PLA2G4B: variants seen among roughly 807,000 people sequenced by gnomAD.
PLA2G4B encodes phospholipase A2 group IVB.
Under a neutral mutation model 95.8 loss-of-function variants are expected in PLA2G4B, and 122 were observed. The ratio of observed to expected loss-of-function variants is 1.27; its 90% CI spans 1.10 to 1.48. The LOEUF (loss-of-function observed/expected upper bound fraction) is 1.48, where lower values mean the gene tolerates loss of function less well. Ranked by LOEUF, PLA2G4B falls within the 40% of genes most tolerant of loss-of-function variation. PLA2G4B has a pLI of 0.00. For missense variants in PLA2G4B, 1,158 were observed against 996.2 expected (o/e 1.16, Z -2.19); for synonymous variants, 518 against 421.5 (o/e 1.23, Z -2.80).
Position 41,838,974 on chromosome 15 carries a change from G to A in PLA2G4B, c.9+52G>A, listed in dbSNP as rs2065375717. ...CTACTGGGACCCCTGGTCTCTACCT[G>A]GGGCCTAGTTAATATGTTTCTTATG... On this transcript the variant is annotated intron_variant, in intron 1 of 19. Coordinates refer to ENST00000458483, the MANE Select transcript of PLA2G4B (RefSeq NM_001114633.2). The A allele has an allele frequency of 2.1e-6, 3 of 1,463,132 alleles. No individual in the cohort carries two copies. In the South Asian group the frequency reaches 3.7e-5, roughly 18 times the overall value. 90.6% of individuals were successfully genotyped at this position (1,463,132 alleles called of 1,614,324 possible). A position where few individuals can be genotyped will look rare whatever the true frequency, so the allele number is the denominator to read the frequency against.
chr15:41,842,526 T>G, intron 9 of PLA2G4B, 28 bp from the exon 10 acceptor site: 1 of 1,611,878 alleles, frequency 6.2e-7, no homozygotes, highest in Non-Finnish European at 8.5e-7. Flanking sequence ...GGCCGACCTT[T>G]TGTGACTGGG....
intron 10 of PLA2G4B, 188 bp downstream of exon 10, chr15:41,842,779 A>G (rs1234862816): frequency 6.8e-6 from 6 of 884,168 alleles, no homozygotes; most frequent in Non-Finnish European, 9.7e-6. Flanking sequence ...CTTAGCACCT[A>G]TGGTCAGAGG....
chr15:41,845,218 CT>C lies in PLA2G4B; in HGVS notation c.1256del (p.Leu419ProfsTer8). On this transcript the variant is annotated frameshift_variant, in exon 14 of 20. Transcript: ENST00000458483. LOFTEE classifies it high-confidence loss of function. Reference sequence around the variant, plus strand: ...CTTTCCCCAGCCCCATGATCACAAGCTCTCAGATCAACGGGAGGCCCTGAGT... The same window carrying C: ...CTTTCCCCAGCCCCATGATCACAAGCCTCAGATCAACGGGAGGCCCTGAGT... ...LLHDEPHDHK[L>X]SDQREALSHG... 2 of 1,614,198 alleles carry C rather than the reference CT, an allele frequency of 1.2e-6. No individual in the cohort carries two copies. The highest frequency in any genetic ancestry group is 8.5e-7 in the Non-Finnish European group (1 of 1,180,004).
chr15:41,842,030 T>C, intron 8 of PLA2G4B, 81 bp downstream of exon 8: 3 of 1,563,202 alleles, frequency 1.9e-6, no homozygotes, highest in Non-Finnish European at 2.6e-6. Context: ...TGACCTCTGC[T>C]CCACCTGGCA....
chr15:41,843,892 C>T (rs1410446573), intron 11 of PLA2G4B, 81 bp downstream of exon 11: 2 of 1,553,876 alleles, frequency 1.3e-6, no homozygotes, highest in African/African-American at 2.7e-5. Flanking sequence ...GCTGCTTGTC[C>T]CCGATCTAGA....
Position 41,846,288 on chromosome 15 carries a change from G to GTGGC in PLA2G4B, c.1687_1690dup (p.Arg564LeufsTer10). ...CTGAGTTTTTCACCGATCTTCTGAC[G>GTGGC]TGGCGTCCACTGGCCCAGGCCACAC... On this transcript the variant is annotated frameshift_variant, in exon 17 of 20. Coordinates refer to ENST00000458483, the MANE Select transcript of PLA2G4B (RefSeq NM_001114633.2). LOFTEE classifies it high-confidence loss of function. 3.7e-6 allele frequency: 6 copies of GTGGC among 1,614,052 alleles called. No individual in the cohort carries two copies. The highest frequency in any genetic ancestry group is 5.1e-6 in the Non-Finnish European group (6 of 1,179,934).
At chr15:41,842,447 T>C (rs1012104382) in intron 9 of PLA2G4B, 107 bp from the exon 10 acceptor site, 8 of 1,551,690 alleles carry the variant, frequency 5.2e-6, no homozygotes, top group African/African-American at 2.7e-5. Flanking sequence ...CTGGCGCCTG[T>C]GGAGACGGTG....
Position 41,847,637 on chromosome 15 carries a change from C to T in PLA2G4B, c.2135-12C>T. On this transcript the variant is annotated splice_polypyrimidine_tract_variant and intron_variant, in intron 19 of 19. Transcript: ENST00000458483. ...AACGTGTTCCCCATGCCAGGCTGCA[C>T]TCTCTCCACAGGGGTCCGGCGGACA... 1 of 1,613,606 alleles carries T rather than the reference C, an allele frequency of 6.2e-7. No individual in the cohort carries two copies.
In PLA2G4B at chr15:41,843,770, A is replaced by C. The variant is rs1280041165; in HGVS notation, c.838A>C (p.Arg280=). Residue 280 remains arginine (R), a synonymous_variant, in exon 11 of 20, where the codon AGG becomes CGG. Transcript: ENST00000458483. ...GAAGCAGGTGGTGGCCGCGGCCTTG[A>C]GGCAGGCCCTGCAGCTGGACGGAGA... is the stretch of plus-strand genomic sequence containing the variant. ...RRKQVVAAAL[R]QALQLDGDLQ... 1 of 1,613,714 alleles carries C rather than the reference A, an allele frequency of 6.2e-7. No individual in the cohort carries two copies. The highest frequency in any genetic ancestry group is 8.5e-7 in the Non-Finnish European group (1 of 1,179,794).
chr15:41,844,322 C>T, intron 11 of PLA2G4B, 149 bp from the exon 12 acceptor site: 6 of 1,365,928 alleles, frequency 4.4e-6, no homozygotes, highest in South Asian at 1.4e-5. Flanking sequence ...TGTTTCTGGC[C>T]CCCAGGGCTG....
Position 41,840,531 on chromosome 15 carries a change from C to T in PLA2G4B, c.90C>T (p.Pro30=). The T allele has an allele frequency of 6.2e-7, 1 of 1,613,824 alleles. No homozygotes were observed. Among genetic ancestry groups the T allele is most frequent in the Non-Finnish European group, 8.5e-7 (1 of 1,180,024 alleles). The part of the protein sequence containing the change: ...HRLPSKDLVT[P]SDCYVTLWLP... ...ACTTGTTCCTTCCCGCAGTGACCCC[C>T]TCTGACTGCTACGTGACTCTCTGGC... Residue 30 remains proline, a synonymous_variant, in exon 3 of 20, where the codon CCC becomes CCT. Transcript: ENST00000458483.
chr15:41,844,780 G>C, intron 12 of PLA2G4B, 68 bp from the exon 13 acceptor site: 1 of 1,538,120 alleles, frequency 6.5e-7, no homozygotes. Context: ...TAGAAAGCCC[G>C]GGGCACGTGG....
At chr15:41,846,869 G>C (rs1595426601) in intron 18 of PLA2G4B, 34 bp downstream of exon 18, 1 of 1,584,106 alleles carries the variant, frequency 6.3e-7, no homozygotes, top group African/African-American at 1.3e-5. Flanking sequence ...CAGGGAGGCG[G>C]TGGGTGGCCC....
rs1384576382 is a variant in PLA2G4B at position 41,844,901 on chromosome 15, G to A, written c.1070G>A (p.Gly357Glu). 4 of 1,611,714 alleles carry A rather than the reference G, an allele frequency of 2.5e-6. No individual in the cohort carries two copies. Among genetic ancestry groups the A allele is most frequent in the Non-Finnish European group, 3.4e-6 (4 of 1,179,210 alleles). Residue 357 changes from glycine to glutamate, a missense_variant, in exon 13 of 20, where the codon GGG becomes GAG. By Grantham distance (98) the Gly-to-Glu change is moderately conservative (BLOSUM62 -2). Coordinates refer to ENST00000458483, the MANE Select transcript of PLA2G4B (RefSeq NM_001114633.2). ...GAGTGGTCTCAGAAGGACCTGGCAG[G>A]GCCCACTGAGTTGCTGAAGACCCAG... ...DPEWSQKDLA[G>E]PTELLKTQVT...
rs776045809 is a variant in PLA2G4B, at chr15:41,842,551, C to T, written c.706-3C>T. On this transcript the variant is annotated splice_polypyrimidine_tract_variant and splice_region_variant and intron_variant, in intron 9 of 19. Transcript: ENST00000458483. Reference sequence around the variant, plus strand: ...TTGTGACTGGGGCCTTCACGGTTTTCAGGAGCCCCTGATGAGAGTGGAGCT... The same window carrying T: ...TTGTGACTGGGGCCTTCACGGTTTTTAGGAGCCCCTGATGAGAGTGGAGCT... The T allele has an allele frequency of 5.6e-6, 9 of 1,611,488 alleles. No individual in the cohort carries two copies. In the South Asian group the frequency reaches 6.6e-5, roughly 12 times the overall value.
chr15:41,840,217 C>T lies in PLA2G4B; in HGVS notation c.69C>T (p.Pro23=). The change falls in exon 2 of 20, where the codon CCC becomes CCT. Residue 23 remains proline, a synonymous_variant. Transcript: ENST00000458483. ...GTGTCCTGCAGGCCCATCGCCTACCCTCTAAGGACCTAGGTGAGTGCGCAC... is the reference window on the plus strand; with the variant it reads ...GTGTCCTGCAGGCCCATCGCCTACCTTCTAAGGACCTAGGTGAGTGCGCAC... The part of the protein sequence containing the change: ...TVRVLQAHRL[P]SKDLVTPSDC... The T allele has an allele frequency of 6.2e-7, 1 of 1,613,182 alleles. No individual in the cohort carries two copies. Among genetic ancestry groups the T allele is most frequent in the South Asian group, 1.1e-5 (1 of 91,080 alleles).
intron 2 of PLA2G4B, 127 bp from the exon 3 acceptor site, chr15:41,840,397 C>A: frequency 6.3e-7 from 1 of 1,583,424 alleles, no homozygotes. Flanking sequence ...TGGGGCTCTG[C>A]CTCTGGCCCC....
intron 17 of PLA2G4B, 81 bp downstream of exon 17, chr15:41,846,463 C>G: frequency 6.5e-7 from 1 of 1,539,546 alleles, no homozygotes; most frequent in Non-Finnish European, 8.8e-7. Flanking sequence ...AGTCCACTCC[C>G]ATTCTCCTGC....
rs758280783 is a variant in PLA2G4B, at chr15:41,842,219, G to A, written c.648G>A (p.Ala216=). 6.2e-6 allele frequency: 10 copies of A among 1,614,072 alleles called. No individual in the cohort carries two copies. Among genetic ancestry groups the A allele is most frequent in the Admixed American group, 1.7e-5 (1 of 60,026 alleles). The change falls in exon 9 of 20, where the codon GCG becomes GCA. Residue 216 remains alanine (A), a synonymous_variant. Coordinates refer to ENST00000458483, the MANE Select transcript of PLA2G4B (RefSeq NM_001114633.2). ...ATGCCCCCGAGGAGCAACTAAAGGC[G>A]CCACTGAGTGCCCTGCCCTCTGGTC... ...LQDAPEEQLK[A]PLSALPSGQV... is the part of the protein sequence containing the mutation.
Sources: allele counts gnomAD v4.1 joint callset, GRCh38; gene constraint gnomAD v4.1.1; transcripts MANE v1.5; gene names NCBI Gene and HGNC (gene_info 2026-07-23, HGNC 2026-07-21).